TRIM68: variants seen among roughly 807,000 people sequenced by gnomAD.
The protein encoded by TRIM68 is tripartite motif containing 68.
In TRIM68, 36 loss-of-function variants were observed where a neutral mutation model predicts 41.9. That is an observed-to-expected ratio of 0.86 (90% CI 0.66 to 1.14). The LOEUF (loss-of-function observed/expected upper bound fraction) is 1.14, where lower values mean the gene tolerates loss of function less well. Among genes scored for constraint, TRIM68 ranks in the 50% most tolerant of loss-of-function variants. The pLI, the probability that TRIM68 is intolerant of heterozygous loss-of-function variation, is 0.00. For synonymous variants in TRIM68, 225 were observed against 224.6 expected (o/e 1.00, Z -0.02); for missense variants, 632 against 605.1 (o/e 1.04, Z -0.47).
In TRIM68 at chr11:4,607,588, T is replaced by C. The variant is rs534905896; in HGVS notation, c.-58+439A>G. 2.6e-5 allele frequency among the ~76,000 whole-genome samples: 4 copies of C among 152,266 alleles called. No homozygotes were observed. In the South Asian group the frequency reaches 8.3e-4, roughly 31 times the overall value. The stretch of plus-strand genomic sequence containing the variant: ...CAAAATGATAAATCCAGAAATACAG[T>C]GGAACGCATATTATTTTGATTTAGG... On this transcript the variant is annotated intron_variant, in intron 1 of 6. Coordinates refer to ENST00000300747, the MANE Select transcript of TRIM68 (RefSeq NM_018073.8).
chr11:4,604,161 G>C (rs1378304932), intron 2 of TRIM68, among the ~76,000 whole-genome samples: 1 of 152,148 alleles, frequency 6.6e-6, no homozygotes, highest in African/African-American at 2.4e-5. Flanking sequence ...AAAACAGAAT[G>C]AGTTAGTAAA....
intron 3 of TRIM68, 95 bp from the exon 4 acceptor site, chr11:4,602,507 C>T: frequency 2.0e-6 from 3 of 1,492,676 alleles, no homozygotes; most frequent in Non-Finnish European, 2.7e-6. Flanking sequence ...GCAATGGTAC[C>T]AACCACGTGA....
In TRIM68 at chr11:4,605,336, A is replaced by G; in HGVS notation, c.169T>C (p.Cys57Arg). The G allele has an allele frequency of 6.2e-7, 1 of 1,614,266 alleles. No homozygotes were observed. The highest frequency in any genetic ancestry group is 8.5e-7 in the Non-Finnish European group (1 of 1,180,048). ...TGGACAGGAGCTCGACAGAGGGGACAGGTGTAACCCCAGTTCTGGGATTCT... is the reference window on the plus strand; with the variant it reads ...TGGACAGGAGCTCGACAGAGGGGACGGGTGTAACCCCAGTTCTGGGATTCT... ...PGESQNWGYT[C>R]PLCRAPVQPR... The change falls in exon 2 of 7, where the codon TGT (cysteine) becomes CGT (arginine). Residue 57 changes from cysteine (C) to arginine (R), a missense_variant. Transcript: ENST00000300747.
rs1846517423 is a variant in TRIM68 at position 4,603,098 on chromosome 11, G to T, written c.522+147C>A. 5 of 759,044 alleles carry T rather than the reference G, an allele frequency of 6.6e-6. No individual in the cohort carries two copies. The Admixed American group carries it at 1.2e-4, about 18-fold the overall frequency. 47.0% of individuals were successfully genotyped at this position (759,044 alleles called of 1,614,324 possible). On this transcript the variant is annotated intron_variant, in intron 3 of 6. Coordinates refer to ENST00000300747, the MANE Select transcript of TRIM68 (RefSeq NM_018073.8). ...GGTGACGTGGCCTACCTAAGGCCTG[G>T]GACAGAGAAAGCAGGGATTAGAACC... is the stretch of plus-strand genomic sequence containing the variant.
chr11:4,602,309 A>C lies in TRIM68; in HGVS notation c.626T>G (p.Val209Gly), dbSNP rs763692622. 2.5e-6 allele frequency: 4 copies of C among 1,614,086 alleles called. No individual in the cohort carries two copies. In the South Asian group the frequency reaches 4.4e-5, roughly 18 times the overall value. ...QPPHRQLGAE[V>G]AAALASLQRE... The stretch of plus-strand genomic sequence containing the variant: ...CTGTAGGCTGGCCAGAGCTGCTGCT[A>C]CCTCTGCCCCCAGCTGCCGATGTGG... The change falls in exon 4 of 7, where the codon GTA becomes GGA. Residue 209 changes from valine to glycine, a missense_variant. Coordinates refer to ENST00000300747, the MANE Select transcript of TRIM68 (RefSeq NM_018073.8).
chr11:4,604,987 T>G, intron 2 of TRIM68, 92 bp downstream of exon 2: 1 of 1,406,758 alleles, frequency 7.1e-7, no homozygotes, highest in Non-Finnish European at 9.7e-7. Context: ...GAGTTAGCTC[T>G]CAGTCTGTGG....
intron 2 of TRIM68, among the ~76,000 whole-genome samples, chr11:4,603,639 CTTAT>C (rs1846526917): frequency 6.6e-6 from 1 of 152,170 alleles, no homozygotes. Context: ...TTATCCTTAT[CTTAT>C]TTATTTTTAT....
Position 4,605,492 on chromosome 11 carries a change from C to T in TRIM68, c.13G>A (p.Ala5Thr). The change falls in exon 2 of 7, where the codon GCC becomes ACC. Residue 5 changes from alanine (A) to threonine (T), a missense_variant. Ala to Thr is a moderately conservative substitution (Grantham distance 58, BLOSUM62 0). Transcript: ENST00000300747. MDPT[A>T]LVEAIVEEVA... Reference sequence around the variant, plus strand: ...TCTTCCACAATGGCTTCCACCAAGGCTGTGGGATCCATGGTTCCTTCTCAC... The same window carrying T: ...TCTTCCACAATGGCTTCCACCAAGGTTGTGGGATCCATGGTTCCTTCTCAC... 6.2e-7 allele frequency: 1 copy of T among 1,605,568 alleles called. No individual in the cohort carries two copies. Among genetic ancestry groups the T allele is most frequent in the Non-Finnish European group, 8.5e-7 (1 of 1,173,714 alleles).
In TRIM68 at chr11:4,602,142, T is replaced by C. The variant is rs377607029; in HGVS notation, c.783+10A>G. On this transcript the variant is annotated intron_variant, in intron 4 of 6. Coordinates refer to ENST00000300747, the MANE Select transcript of TRIM68 (RefSeq NM_018073.8). ...GTCACTCAGGGTTACCAGGAAAACC[T>C]ACTACTCACCTGCAACATCCAGCGG... 9 of 1,614,030 alleles carry C rather than the reference T, an allele frequency of 5.6e-6. No homozygotes were observed. Among genetic ancestry groups the C allele is most frequent in the South Asian group, 1.1e-5 (1 of 91,082 alleles).
intron 2 of TRIM68, among the ~76,000 whole-genome samples, chr11:4,604,512 T>G (rs544304085): frequency 2.4e-4 from 37 of 152,360 alleles, no homozygotes; most frequent in Non-Finnish European, 4.7e-4. Flanking sequence ...TTTCACTAAC[T>G]GGACCTGAAG....
Position 4,600,771 on chromosome 11 carries a change from G to A in TRIM68, c.963C>T (p.Asp321=), listed in dbSNP as rs940966097. Residue 321 remains aspartate, a synonymous_variant, in exon 7 of 7, where the codon GAC becomes GAT. Transcript: ENST00000300747. ...TGTCTCCATAGTGCACACGTTTTCTGTCCTCAGACACGATGAGACGGGAGT... is the reference window on the plus strand; with the variant it reads ...TGTCTCCATAGTGCACACGTTTTCTATCCTCAGACACGATGAGACGGGAGT... The part of the protein sequence containing the change: ...TAYSRLIVSE[D]RKRVHYGDTN... 3.7e-6 allele frequency: 6 copies of A among 1,614,010 alleles called. No homozygotes were observed. The highest frequency in any genetic ancestry group is 5.1e-6 in the Non-Finnish European group (6 of 1,180,024).
rs1564865324 is a variant in TRIM68 at position 4,602,288 on chromosome 11, AG to A, written c.646del (p.Leu216TyrfsTer14). 1 of 1,614,174 alleles carries A rather than the reference AG, an allele frequency of 6.2e-7. No homozygotes were observed. Among genetic ancestry groups the A allele is most frequent in the South Asian group, 1.1e-5 (1 of 91,082 alleles). On this transcript the variant is annotated frameshift_variant, in exon 4 of 7. Transcript: ENST00000300747. LOFTEE classifies it high-confidence loss of function. The stretch of plus-strand genomic sequence containing the variant: ...CATGGTCTCCGCTGCCTCCCGCTGT[AG>A]GCTGGCCAGAGCTGCTGCTACCTCT... ...GAEVAAALASLQREAAETMQK... is the reference protein window; with the variant it reads ...GAEVAAALASXQREAAETMQK...
chr11:4,601,989 C>T (rs1846496628), intron 4 of TRIM68, 163 bp downstream of exon 4: 2 of 1,079,370 alleles, frequency 1.9e-6, no homozygotes, highest in Non-Finnish European at 2.7e-6. Flanking sequence ...CATCCACCAG[C>T]CAGGGATAGG....
At chr11:4,601,442 A>ATT (rs539293459) in intron 5 of TRIM68, 7 of 598,986 alleles carry the variant, frequency 1.2e-5, no homozygotes, top group Non-Finnish European at 1.8e-5. Context: ...GAAACCACAT[A>ATT]TTTTACAGCT....
chr11:4,601,369 A>G, intron 5 of TRIM68: 1 of 594,914 alleles, frequency 1.7e-6, no homozygotes, highest in South Asian at 2.0e-5. Flanking sequence ...AGAAGTGCAC[A>G]CATTTTCTGT....
In TRIM68 at chr11:4,602,153, T is replaced by C. The variant is rs935842142; in HGVS notation, c.782A>G (p.Gln261Arg). Residue 261 changes from glutamine to arginine, a missense_variant and splice_region_variant, in exon 4 of 7, where the codon CAG becomes CGG. By Grantham distance (43) the Gln-to-Arg change is conservative (BLOSUM62 1). Transcript: ENST00000300747. ...RSQRPVRWML[Q>R]DIQEVLNRSK... is the part of the protein sequence containing the mutation. ...TTACCAGGAAAACCTACTACTCACC[T>C]GCAACATCCAGCGGACAGGCCTCTG... is the stretch of plus-strand genomic sequence containing the variant. 9.9e-6 allele frequency: 16 copies of C among 1,614,074 alleles called. No individual in the cohort carries two copies. In the African/African-American group the frequency reaches 1.5e-4, roughly 15 times the overall value.
At chr11:4,603,024 C>G (rs912371821) in intron 3 of TRIM68, among the ~76,000 whole-genome samples, 1 of 152,206 alleles carries the variant, frequency 6.6e-6, no homozygotes, top group South Asian at 2.1e-4. Flanking sequence ...TAGGAGGATA[C>G]AAGACCAGAG....
chr11:4,603,331 G>C lies in TRIM68; in HGVS notation c.436C>G (p.His146Asp). ...TTCTTCAGATGTTCGAGGGCCTCAT[G>C]AAGTTCCCACTGCAAGAGACAAAAC... ...DVAWEYKWEL[H>D]EALEHLKKEQ... Residue 146 changes from histidine (H) to aspartate (D), a missense_variant, in exon 3 of 7, where the codon CAT (histidine) becomes GAT (aspartate). His to Asp is a moderately conservative substitution (Grantham distance 81, BLOSUM62 -1). Transcript: ENST00000300747. 6.2e-7 allele frequency: 1 copy of C among 1,614,180 alleles called. No homozygotes were observed. Among genetic ancestry groups the C allele is most frequent in the African/African-American group, 1.3e-5 (1 of 75,056 alleles).
chr11:4,604,659 G>GGATTGAATGATCTATAAAAT (rs1846541755), intron 2 of TRIM68, among the ~76,000 whole-genome samples: 1 of 152,178 alleles, frequency 6.6e-6, no homozygotes, highest in Non-Finnish European at 1.5e-5. Flanking sequence ...AATGAAGGAG[G>GGATTGAATGATCTATAAAAT]GAAGTGATCC....
Sources: gnomAD v4.1 joint callset for allele counts (sites outside exome capture counted in the v4.1 genomes callset) on GRCh38, gnomAD v4.1.1 for gene constraint, MANE v1.5 for transcripts, NCBI Gene and HGNC (gene_info 2026-07-23, HGNC 2026-07-21) for gene names.